The following EPN1 variants were observed in gnomAD, a reference collection of about 807,000 sequenced individuals.
EPN1 encodes epsin 1, also known as epsin-1.
A neutral mutation model predicts 56.9 loss-of-function variants in EPN1; 25 were observed. The observed-to-expected ratio is 0.44, with a 90% confidence interval of 0.32 to 0.61. The LOEUF (loss-of-function observed/expected upper bound fraction) is 0.61, where lower values mean the gene tolerates loss of function less well. Among genes scored for constraint, EPN1 ranks in the 20% least tolerant of loss-of-function variants. The pLI is 0.05. For synonymous variants in EPN1, 411 were observed against 361.8 expected, an observed-to-expected ratio of 1.14 and a Z score of -1.54; for missense variants, 785 against 823.7, an observed-to-expected ratio of 0.95 and a Z score of 0.58.
Position 55,695,087 on chromosome 19 carries a change from T to G in EPN1, c.1523-61T>G, listed in dbSNP as rs1986832645. 1.9e-6 allele frequency: 3 copies of G among 1,610,006 alleles called. No homozygotes were observed. Among genetic ancestry groups the G allele is most frequent in the Admixed American group, 3.3e-5 (2 of 59,826 alleles). Reference sequence around the variant, plus strand: ...TCGCCCTTTGCCTGCACATGCTGGATGGACACAGGTGGGCTGCGCCACTGA... The same window carrying G: ...TCGCCCTTTGCCTGCACATGCTGGAGGGACACAGGTGGGCTGCGCCACTGA... On this transcript the variant is annotated intron_variant, in intron 10 of 10. Transcript: ENST00000270460. The surrounding 1 kb of genome is among the most constrained non-coding windows in gnomAD (Gnocchi z 4.4).
At chr19:55,688,546 C>T (rs1038728060) in intron 3 of EPN1, among the ~76,000 whole-genome samples, 2 of 152,166 alleles carry the variant, frequency 1.3e-5, no homozygotes, top group Admixed American at 6.5e-5. Context: ...GGACAGACCC[C>T]AGGCACGCGG....
chr19:55,688,303 G>A (rs35562691), intron 3 of EPN1, among the ~76,000 whole-genome samples: 1 of 151,888 alleles, frequency 6.6e-6, no homozygotes, highest in Admixed American at 6.6e-5. Flanking sequence ...TGGAGGGTCC[G>A]GCCCTGCCTT....
intron 3 of EPN1, among the ~76,000 whole-genome samples, chr19:55,686,725 C>T (rs145294961): frequency 1.5e-3 from 221 of 151,764 alleles, no homozygotes; most frequent in African/African-American, 4.8e-3. Flanking sequence ...GGAAGGAAGC[C>T]GGTGTGGCGT....
chr19:55,685,187 C>T (rs765644466), intron 2 of EPN1, among the ~76,000 whole-genome samples: 7 of 152,254 alleles, frequency 4.6e-5, no homozygotes, highest in African/African-American at 7.2e-5. Flanking sequence ...AGTACCTCCG[C>T]GGCTGGTCCC....
At chr19:55,677,727 C>T (rs754561257) in intron 1 of EPN1, 12 of 1,544,096 alleles carry the variant, frequency 7.8e-6, no homozygotes, top group South Asian at 2.4e-5. Flanking sequence ...TTCTTCCTGC[C>T]GCCCTGGGTT....
At chr19:55,683,131 C>A (rs1311407450) in intron 2 of EPN1, among the ~76,000 whole-genome samples, 1 of 152,144 alleles carries the variant, frequency 6.6e-6, no homozygotes, top group East Asian at 1.9e-4. Context: ...TCTTGGCTCA[C>A]TGCAACCTCT....
intron 3 of EPN1, 64 bp from the exon 4 acceptor site, chr19:55,688,806 C>T: frequency 6.5e-7 from 1 of 1,548,116 alleles, no homozygotes; most frequent in Non-Finnish European, 8.7e-7. Flanking sequence ...TCTGTCTAGG[C>T]TATGGGGTTT....
rs1316031436 is a variant in EPN1 at position 55,706,388 on chromosome 19, A to G, written c.*11032A>G. On this transcript the variant is annotated 3_prime_UTR_variant, in exon 11 of 11. Transcript: ENST00000270460. ...GAAAGAGGGCCGGGCGTGGTGGCTC[A>G]TGTCTGAAATCCTAGCACTTTGGGA... is the stretch of plus-strand genomic sequence containing the variant. 6.6e-6 allele frequency: 1 copy of G among 150,710 alleles called. No individual in the cohort carries two copies. 9.3% of individuals were successfully genotyped at this position (150,710 alleles called of 1,614,324 possible).
At chr19:55,679,524 C>G (rs1985667255) in intron 2 of EPN1, among the ~76,000 whole-genome samples, 1 of 152,182 alleles carries the variant, frequency 6.6e-6, no homozygotes, top group African/African-American at 2.4e-5. Context: ...TGTTGCGGTC[C>G]CGTCGGCAAG....
chr19:55,677,602 A>T (rs77635294), intron 1 of EPN1: 2 of 1,551,210 alleles, frequency 1.3e-6, no homozygotes, highest in Non-Finnish European at 1.7e-6. Flanking sequence ...TCTTGTGCTG[A>T]GCGAGCACCT....
In EPN1 at chr19:55,702,627, G is replaced by C. The variant is rs1987196523; in HGVS notation, c.*7271G>C. 1 of 152,212 alleles carries C rather than the reference G, an allele frequency of 6.6e-6. No homozygotes were observed. Among genetic ancestry groups the C allele is most frequent in the African/African-American group, 2.4e-5 (1 of 41,440 alleles). The allele number at this position is 152,212 out of a possible 1,614,324, so 9.4% of individuals were successfully genotyped here. A position where few individuals can be genotyped will look rare whatever the true frequency, so the allele number is the denominator to read the frequency against. ...ACTGCGTGGTGTGGTGAGAAAGGGA[G>C]CAATTTCTAAGCTGCTTTTTGTTAG... On this transcript the variant is annotated 3_prime_UTR_variant, in exon 11 of 11. Coordinates refer to ENST00000270460, the MANE Select transcript of EPN1 (RefSeq NM_001130072.2).
At position 55,700,993 on chromosome 19, in the gene EPN1, A is replaced by C. The variant is rs1392944164; in HGVS notation, c.*5637A>C. ...CCAGGAGTGGCCAGGTCCCGATGTC[A>C]CGGGGAGCCGGGCTGGGACAAGCTC... On this transcript the variant is annotated 3_prime_UTR_variant, in exon 11 of 11. Transcript: ENST00000270460. 1.3e-5 allele frequency: 2 copies of C among 152,224 alleles called. No homozygotes were observed. Among genetic ancestry groups the C allele is most frequent in the Non-Finnish European group, 2.9e-5 (2 of 68,086 alleles). The allele number at this position is 152,224 out of a possible 1,614,324, so 9.4% of individuals were successfully genotyped here.
chr19:55,680,234 T>C (rs1985719783), intron 2 of EPN1, among the ~76,000 whole-genome samples: 1 of 152,212 alleles, frequency 6.6e-6, no homozygotes, highest in Non-Finnish European at 1.5e-5. Context: ...TTCTCTGGAT[T>C]CTGACAGATG....
In EPN1 at chr19:55,698,293, A is replaced by G. The variant is rs10412050; in HGVS notation, c.*2937A>G. 27,302 of 152,026 alleles carry G rather than the reference A, an allele frequency of 0.18. 3,621 individuals carry two copies. The highest frequency in any genetic ancestry group is 0.37 in the African/African-American group (15,181 of 41,336). 9.4% of individuals were successfully genotyped at this position (152,026 alleles called of 1,614,324 possible). ...CAGGAGCAGATGTGCTTCTGACCCG[A>G]CGTCTTCCCCCAGAGAGGGCTGAAG... is the stretch of plus-strand genomic sequence containing the variant. On this transcript the variant is annotated 3_prime_UTR_variant, in exon 11 of 11. Coordinates refer to ENST00000270460, the MANE Select transcript of EPN1 (RefSeq NM_001130072.2).
intron 3 of EPN1, among the ~76,000 whole-genome samples, chr19:55,688,362 C>G (rs911674894): frequency 6.6e-6 from 1 of 152,094 alleles, no homozygotes; most frequent in Non-Finnish European, 1.5e-5. Flanking sequence ...ACCAAGGGCT[C>G]CTCGCTAGCC....
Position 55,696,772 on chromosome 19 carries a change from TG to T in EPN1, c.*1418del. 1 of 152,284 alleles carries T rather than the reference TG, an allele frequency of 6.6e-6. No individual in the cohort carries two copies. The highest frequency in any genetic ancestry group is 6.5e-5 in the Admixed American group (1 of 15,284). 9.4% of individuals were successfully genotyped at this position (152,284 alleles called of 1,614,324 possible). ...GTGGCCACCCTGTGTGCCCACTCCC[TG>T]GTGGACAGACCTACGTCACCTGGGG... On this transcript the variant is annotated 3_prime_UTR_variant, in exon 11 of 11. Coordinates refer to ENST00000270460, the MANE Select transcript of EPN1 (RefSeq NM_001130072.2).
intron 2 of EPN1, among the ~76,000 whole-genome samples, chr19:55,680,486 A>G (rs1458992484): frequency 3.9e-5 from 6 of 152,080 alleles, no homozygotes; most frequent in Non-Finnish European, 7.4e-5. Flanking sequence ...TCCACCCTGA[A>G]CCACTGGTTC....
chr19:55,692,839 G>C, intron 8 of EPN1, 43 bp downstream of exon 8: 2 of 1,584,728 alleles, frequency 1.3e-6, no homozygotes, highest in Non-Finnish European at 1.7e-6. Context: ...GTGGGAGTGA[G>C]TGGGAGAAGT....
intron 1 of EPN1, chr19:55,677,088 C>G (rs752003829): frequency 2.0e-6 from 3 of 1,536,170 alleles, no homozygotes; most frequent in African/African-American, 2.7e-5. Flanking sequence ...AGGCCAGCCT[C>G]TCTCCGTCAT....
Sources: gnomAD v4.1 joint callset for allele counts (sites outside exome capture counted in the v4.1 genomes callset) on GRCh38, gnomAD v4.1.1 for gene constraint, Gnocchi (gnomAD v3.1) non-coding constraint, MANE v1.5 for transcripts, NCBI Gene and HGNC (gene_info 2026-07-23, HGNC 2026-07-21) for gene names.